PLCG2: variants seen among roughly 807,000 people sequenced by gnomAD.
The protein encoded by PLCG2 is phospholipase C gamma 2.
A neutral mutation model predicts 175.6 loss-of-function variants in PLCG2; 69 were observed. The observed-to-expected ratio is 0.39, with a 90% CI of 0.32 to 0.48. The LOEUF (loss-of-function observed/expected upper bound fraction) is 0.48, where lower values mean the gene tolerates loss of function less well. Among genes scored for constraint, PLCG2 ranks in the 20% least tolerant of loss-of-function variants. The pLI is 0.91. For missense variants in PLCG2, 1,798 were observed against 1,650.9 expected (o/e 1.09, Z -1.54); for synonymous variants, 827 against 624.0 (o/e 1.33, Z -4.85).
chr16:81,824,354 G>A (rs13338629), intron 2 of PLCG2, among the ~76,000 whole-genome samples: 2,011 of 152,256 alleles, frequency 0.013, 51 homozygotes, highest in African/African-American at 0.041. Context: ...GGCTGGTCTT[G>A]AACTCCTGAT....
At chr16:81,870,341 G>T (rs571081834) in intron 6 of PLCG2, among the ~76,000 whole-genome samples, 26 of 152,268 alleles carry the variant, frequency 1.7e-4, no homozygotes, top group African/African-American at 6.0e-4. Flanking sequence ...CAAGGAAATT[G>T]CCCAAAGCCA....
At chr16:81,783,188 C>G (rs1211965492) in intron 1 of PLCG2, 5 of 469,488 alleles carry the variant, frequency 1.1e-5, no homozygotes, top group Non-Finnish European at 2.1e-5. Context: ...GGACTATGGC[C>G]TAGAGACCTG....
intron 9 of PLCG2, among the ~76,000 whole-genome samples, chr16:81,884,590 A>G (rs993226113): frequency 1.7e-4 from 21 of 124,798 alleles, no homozygotes; most frequent in African/African-American, 5.3e-4. Flanking sequence ...ATCAGAGTCA[A>G]TTGTATGGAT....
chr16:81,824,066 G>T (rs71388376), intron 2 of PLCG2, among the ~76,000 whole-genome samples: 20,012 of 79,208 alleles, frequency 0.25, 2,210 homozygotes, highest in Middle Eastern at 0.31. Flanking sequence ...GTCCTGTCCT[G>T]TCCTGTCCTG....
intron 1 of PLCG2, among the ~76,000 whole-genome samples, chr16:81,750,591 C>A (rs1224906334): frequency 6.7e-6 from 1 of 149,242 alleles, no homozygotes; most frequent in Non-Finnish European, 1.5e-5. Flanking sequence ...CAGATTAATG[C>A]ATAAAGAAAA....
chr16:81,921,610 G>T (rs1910064974), intron 21 of PLCG2: 2 of 366,550 alleles, frequency 5.5e-6, no homozygotes, highest in Non-Finnish European at 1.1e-5. Context: ...TTGGTTCACT[G>T]ACCTCCTTGC....
At chr16:81,868,782 C>T (rs1907368592) in intron 5 of PLCG2, among the ~76,000 whole-genome samples, 1 of 152,280 alleles carries the variant, frequency 6.6e-6, no homozygotes. Flanking sequence ...ACTGAATCTC[C>T]TGCAAGACCT....
At chr16:81,911,935 C>T (rs1344687153) in intron 18 of PLCG2, among the ~76,000 whole-genome samples, 1 of 150,868 alleles carries the variant, frequency 6.6e-6, no homozygotes, top group Non-Finnish European at 1.5e-5. Context: ...GTAGCTGGGA[C>T]TACAGGCGCC....
At position 81,787,393 on chromosome 16, in the gene PLCG2, A is replaced by ATTTTTTTTTTTTTTTTT. The variant is rs67160306; in HGVS notation, c.193+1213_193+1229dup. Among the ~76,000 whole-genome samples, 127 of 94,540 alleles carry ATTTTTTTTTTTTTTTTT rather than the reference A, an allele frequency of 1.3e-3. 6 individuals carry two copies. The highest frequency in any genetic ancestry group is 1.6e-3 in the South Asian group (5 of 3,076). 62.0% of individuals were successfully genotyped at this position (94,540 alleles called of 152,430 possible). On this transcript the variant is annotated intron_variant, in intron 2 of 32. Transcript: ENST00000564138. Reference sequence around the variant, plus strand: ...TGCACCGCCATGCCTGGATAATTTAATTTTTTTTTTTTTTTTTTGTAGAGA... The same window carrying ATTTTTTTTTTTTTTTTT: ...TGCACCGCCATGCCTGGATAATTTAATTTTTTTTTTTTTTTTTTTTTTTTTTTTTTTTTTTGTAGAGA...
intron 1 of PLCG2, among the ~76,000 whole-genome samples, chr16:81,742,160 G>T (rs985721829): frequency 2.1e-4 from 30 of 141,286 alleles, no homozygotes; most frequent in African/African-American, 4.4e-4. Flanking sequence ...GGGGCGGGGG[G>T]GGGGGCGGTG....
chr16:81,834,177 T>A (rs946330796), intron 2 of PLCG2, among the ~76,000 whole-genome samples: 6 of 152,092 alleles, frequency 3.9e-5, no homozygotes, highest in African/African-American at 1.4e-4. Flanking sequence ...CTCTGGAAAA[T>A]GGGGCTTTCT....
chr16:81,818,172 G>T (rs1426429405), intron 2 of PLCG2, among the ~76,000 whole-genome samples: 1 of 152,206 alleles, frequency 6.6e-6, no homozygotes, highest in Non-Finnish European at 1.5e-5. Context: ...CTCCCGTTAG[G>T]ATTGCTTCGG....
At chr16:81,861,757 C>G (rs1282353799) in intron 5 of PLCG2, among the ~76,000 whole-genome samples, 1 of 152,202 alleles carries the variant, frequency 6.6e-6, no homozygotes, top group African/African-American at 2.4e-5. Context: ...GTGCCTCTCT[C>G]CACGCGGTGC....
chr16:81,820,315 C>T (rs1904738021), intron 2 of PLCG2, among the ~76,000 whole-genome samples: 1 of 152,186 alleles, frequency 6.6e-6, no homozygotes, highest in Admixed American at 6.5e-5. Flanking sequence ...TGCAGCCCCC[C>T]ACCCTCCCCA....
intron 2 of PLCG2, among the ~76,000 whole-genome samples, chr16:81,762,400 C>G (rs963614984): frequency 4.0e-5 from 6 of 151,888 alleles, no homozygotes; most frequent in Non-Finnish European, 8.8e-5. Flanking sequence ...AATATCCTGT[C>G]TCTACTAAAA....
intron 9 of PLCG2, 41 bp downstream of exon 9, chr16:81,883,382 G>C: frequency 6.6e-7 from 1 of 1,525,446 alleles, no homozygotes; most frequent in Non-Finnish European, 9.1e-7. Flanking sequence ...GGAGCTGGCG[G>C]GATGCTGCTG....
intron 9 of PLCG2, among the ~76,000 whole-genome samples, chr16:81,886,409 A>G (rs200100973): frequency 2.0e-5 from 3 of 152,364 alleles, no homozygotes; most frequent in Middle Eastern, 3.4e-3. Context: ...GCAAATTAGT[A>G]TGCCTTTTCT....
At position 81,765,156 on chromosome 16, in the gene PLCG2, C is replaced by A. The variant is rs557863163; in HGVS notation, c.-48+9190C>A. Among the ~76,000 whole-genome samples, 10 of 152,338 alleles carry A rather than the reference C, an allele frequency of 6.6e-5. No individual in the cohort carries two copies. In the East Asian group the frequency reaches 1.9e-3, roughly 29 times the overall value. On this transcript the variant is annotated intron_variant, in intron 2 of 5. Transcript: ENST00000565054. ...GAAGAGGGACATTTGGACACAGAGACATGCACAGAGGGAAGATGATATGAA... is the reference window on the plus strand; with the variant it reads ...GAAGAGGGACATTTGGACACAGAGAAATGCACAGAGGGAAGATGATATGAA...
At chr16:81,816,062 T>TA (rs57508298) in intron 2 of PLCG2, among the ~76,000 whole-genome samples, 132,241 of 140,100 alleles carry the variant, frequency 0.94, 62,555 homozygotes, top group South Asian at 1. Context: ...ACTTCATCTT[T>TA]AAAAAAAAAA....
Sources: gnomAD v4.1 joint callset for allele counts (sites outside exome capture counted in the v4.1 genomes callset) on GRCh38, gnomAD v4.1.1 for gene constraint, MANE v1.5 for transcripts, NCBI Gene and HGNC (gene_info 2026-07-23, HGNC 2026-07-21) for gene names.